SRL: variants seen among roughly 807,000 people sequenced by gnomAD.
The protein encoded by SRL is sarcalumenin.
SRL carries 23 observed loss-of-function variants against 39.5 expected under a neutral mutation model. The ratio of observed to expected loss-of-function variants is 0.58; its 90% CI spans 0.42 to 0.82. The LOEUF (loss-of-function observed/expected upper bound fraction) is 0.82. Among genes scored for constraint, SRL ranks in the 40% least tolerant of loss-of-function variants. The probability of loss-of-function intolerance (pLI) is 0.00; values close to 1 mark genes in which losing one functional copy is unlikely to be tolerated. For synonymous variants in SRL, 272 were observed against 237.4 expected (o/e 1.15, Z -1.34); for missense variants, 592 against 607.8 (o/e 0.97, Z 0.27).
chr16:4,213,162 T>C (rs2052414092), intron 1 of SRL, among the ~76,000 whole-genome samples: 1 of 152,148 alleles, frequency 6.6e-6, no homozygotes, highest in African/African-American at 2.4e-5. Context: ...AAGTGACTCA[T>C]GGGGTGAGGA....
At chr16:4,215,298 C>T (rs2052444950) in intron 1 of SRL, among the ~76,000 whole-genome samples, 1 of 152,226 alleles carries the variant, frequency 6.6e-6, no homozygotes, top group East Asian at 1.9e-4. Context: ...CCTGGCCATG[C>T]TCCTAAAGTC....
In SRL at chr16:4,195,783, G is replaced by C. The variant is rs1441173782; in HGVS notation, c.380C>G (p.Ala127Gly). 6.2e-7 allele frequency: 1 copy of C among 1,612,978 alleles called. No individual in the cohort carries two copies. Among genetic ancestry groups the C allele is most frequent in the African/African-American group, 1.3e-5 (1 of 74,906 alleles). Reference sequence around the variant, plus strand: ...CGTGAACTCAGAGGTGGTGGGTTCAGCGCCTGGGCACACGGGGTGAGAGGT... The same window carrying C: ...CGTGAACTCAGAGGTGGTGGGTTCACCGCCTGGGCACACGGGGTGAGAGGT... The part of the protein sequence containing the change: ...ENTRYQLYTG[A>G]EPTTSEFTVL... The change falls in exon 5 of 6, where the codon GCT becomes GGT. Residue 127 changes from alanine (A) to glycine (G), a missense_variant. Transcript: ENST00000399609.
intron 1 of SRL, among the ~76,000 whole-genome samples, chr16:4,221,376 C>A (rs530719767): frequency 6.6e-6 from 1 of 152,176 alleles, no homozygotes; most frequent in African/African-American, 2.4e-5. Context: ...CCCTTGGCAG[C>A]CTCATGGCCA....
intron 1 of SRL, among the ~76,000 whole-genome samples, chr16:4,213,855 G>A (rs2141046549): frequency 6.6e-6 from 1 of 152,258 alleles, no homozygotes; most frequent in East Asian, 1.9e-4. Flanking sequence ...AAAAAGCAAG[G>A]GTTGTTAACC....
rs746466738 is a variant in SRL at position 4,236,616 on chromosome 16, C to T, written c.61+5391G>A. Among the ~76,000 whole-genome samples, 5 of 151,902 alleles carry T rather than the reference C, an allele frequency of 3.3e-5. No individual in the cohort carries two copies. In the East Asian group the frequency reaches 5.8e-4, roughly 18 times the overall value. On this transcript the variant is annotated intron_variant, in intron 1 of 5. Transcript: ENST00000399609. ...CTGCCACCTCCTTCCAGATGCCCCA[C>T]GAGTAACCAATCTTCATAATGACCC...
chr16:4,229,445 G>A (rs552910924), intron 1 of SRL, among the ~76,000 whole-genome samples: 19 of 151,590 alleles, frequency 1.3e-4, no homozygotes, highest in South Asian at 4.2e-4. Flanking sequence ...GCAAGACACC[G>A]TCTCAAAAAA....
chr16:4,219,860 G>T (rs1282213121), intron 1 of SRL, among the ~76,000 whole-genome samples: 2 of 152,094 alleles, frequency 1.3e-5, no homozygotes, highest in Non-Finnish European at 2.9e-5. Flanking sequence ...ATGCAGGAAT[G>T]GTTGTCATCA....
chr16:4,206,118 A>G (rs1296196652), intron 1 of SRL, among the ~76,000 whole-genome samples: 1 of 152,108 alleles, frequency 6.6e-6, no homozygotes, highest in Non-Finnish European at 1.5e-5. Context: ...ATTGGCTGCA[A>G]TTCTCACACT....
intron 1 of SRL, among the ~76,000 whole-genome samples, chr16:4,217,963 C>T (rs1172300786): frequency 2.0e-5 from 3 of 152,180 alleles, no homozygotes; most frequent in Non-Finnish European, 2.9e-5. Context: ...CCAGAGGCAG[C>T]TCAGGCGAGG....
chr16:4,203,028 G>T, intron 3 of SRL, 138 bp downstream of exon 3: 1 of 751,498 alleles, frequency 1.3e-6, no homozygotes, highest in Non-Finnish European at 2.3e-6. Context: ...AGACCCACAA[G>T]TCCTTGCACA....
intron 4 of SRL, among the ~76,000 whole-genome samples, chr16:4,196,649 T>G (rs2052149933): frequency 6.6e-6 from 1 of 151,928 alleles, no homozygotes; most frequent in Admixed American, 6.6e-5. Flanking sequence ...CCCAGCTAAT[T>G]TTTGTATTTT....
At chr16:4,237,210 G>A (rs980088104) in intron 1 of SRL, among the ~76,000 whole-genome samples, 4 of 152,158 alleles carry the variant, frequency 2.6e-5, no homozygotes, top group African/African-American at 9.7e-5. Flanking sequence ...CCAAAGTGCT[G>A]GGATTACAGG....
intron 1 of SRL, among the ~76,000 whole-genome samples, chr16:4,225,471 C>T (rs552490025): frequency 6.6e-6 from 1 of 152,076 alleles, no homozygotes; most frequent in African/African-American, 2.4e-5. Flanking sequence ...ATAGTGCCAG[C>T]TACTCAGGAG....
At chr16:4,195,863 C>T (rs1225215775) in intron 4 of SRL, 77 bp from the exon 5 acceptor site, 1 of 1,263,646 alleles carries the variant, frequency 7.9e-7, no homozygotes, top group African/African-American at 1.5e-5. Context: ...GTGTATATGC[C>T]TGGTGTCACA....
intron 1 of SRL, chr16:4,207,822 T>C (rs9927271): frequency 0.024 from 10,823 of 456,314 alleles, 824 homozygotes; most frequent in African/African-American, 0.18. Context: ...CCCCGCAGCG[T>C]CCCTGTCGTC....
At chr16:4,207,299 C>T in intron 1 of SRL, 1 of 456,872 alleles carries the variant, frequency 2.2e-6, no homozygotes, top group Non-Finnish European at 4.4e-6. Context: ...CCTCAGTGTC[C>T]CCTGCCTTAA....
intron 5 of SRL, among the ~76,000 whole-genome samples, chr16:4,194,723 C>G (rs1177673084): frequency 6.6e-6 from 1 of 152,064 alleles, no homozygotes; most frequent in Non-Finnish European, 1.5e-5. Context: ...CGTCTCCAAA[C>G]CAAATCAGTC....
intron 1 of SRL, among the ~76,000 whole-genome samples, chr16:4,227,607 A>C (rs894687560): frequency 4.6e-5 from 7 of 152,070 alleles, no homozygotes; most frequent in African/African-American, 1.7e-4. Context: ...GAATGGATGG[A>C]TCGATGGTGG....
intron 2 of SRL, among the ~76,000 whole-genome samples, chr16:4,203,548 A>C (rs2052267713): frequency 2.0e-5 from 3 of 152,074 alleles, no homozygotes; most frequent in Non-Finnish European, 2.9e-5. Context: ...TAGAGAAAGG[A>C]TCTTGCTCTG....
Sources: gnomAD v4.1 joint callset for allele counts (sites outside exome capture counted in the v4.1 genomes callset) on GRCh38, gnomAD v4.1.1 for gene constraint, MANE v1.5 for transcripts, NCBI Gene and HGNC (gene_info 2026-07-23, HGNC 2026-07-21) for gene names.